ESRRG: variants seen among roughly 807,000 people sequenced by gnomAD.
The protein encoded by ESRRG is estrogen related receptor gamma.
A neutral mutation model predicts 44.0 loss-of-function variants in ESRRG; 13 were observed. The ratio of observed to expected loss-of-function variants is 0.30; its 90% CI spans 0.19 to 0.47. The LOEUF (loss-of-function observed/expected upper bound fraction) is 0.47, where lower values mean the gene tolerates loss of function less well. Among genes scored for constraint, ESRRG ranks in the 20% least tolerant of loss-of-function variants. The pLI, the probability that ESRRG is intolerant of heterozygous loss-of-function variation, is 1.00. For missense variants in ESRRG, 395 were observed against 580.6 expected (o/e 0.68, Z 3.29); for synonymous variants, 215 against 214.6 (o/e 1.00, Z -0.02).
chr1:216,698,816 C>A (rs1362654745), intron 1 of ESRRG, among the ~76,000 whole-genome samples: 2 of 152,126 alleles, frequency 1.3e-5, no homozygotes, highest in African/African-American at 2.4e-5. Context: ...TCTAAGGAAC[C>A]AAAGCGTCTG....
intron 1 of ESRRG, among the ~76,000 whole-genome samples, chr1:217,125,362 A>T (rs781038394): frequency 5.9e-5 from 9 of 152,204 alleles, no homozygotes; most frequent in African/African-American, 9.7e-5. Context: ...TTTGCAGTAC[A>T]TAATAGTACA....
At chr1:216,922,463 G>A (rs1314919880) in intron 2 of ESRRG, among the ~76,000 whole-genome samples, 1 of 152,098 alleles carries the variant, frequency 6.6e-6, no homozygotes. Context: ...TGTCCATGGG[G>A]GCAAGTCATT....
chr1:216,816,797 C>T (rs2095151905), intron 2 of ESRRG, among the ~76,000 whole-genome samples: 2 of 152,108 alleles, frequency 1.3e-5, no homozygotes, highest in Admixed American at 6.5e-5. Flanking sequence ...AAAAAGAAGG[C>T]TTTCAAAGAA....
intron 1 of ESRRG, among the ~76,000 whole-genome samples, chr1:217,104,013 G>C (rs892182215): frequency 6.6e-6 from 1 of 152,180 alleles, no homozygotes; most frequent in Non-Finnish European, 1.5e-5. Context: ...AAGAAGCACT[G>C]TTTGCTCTGA....
At chr1:216,856,853 A>G (rs187944747) in intron 2 of ESRRG, among the ~76,000 whole-genome samples, 7 of 152,224 alleles carry the variant, frequency 4.6e-5, no homozygotes, top group Non-Finnish European at 1.0e-4. Context: ...AAGCCAACTC[A>G]TACATTAATC....
At chr1:217,042,473 A>ACACACAC (rs2084037994) in intron 1 of ESRRG, among the ~76,000 whole-genome samples, 9 of 139,074 alleles carry the variant, frequency 6.5e-5, no homozygotes, top group African/African-American at 1.9e-4. Flanking sequence ...TACACACACA[A>ACACACAC]ACACACACAC....
intron 1 of ESRRG, among the ~76,000 whole-genome samples, chr1:216,988,079 A>T (rs11572450): frequency 6.6e-6 from 1 of 152,068 alleles, no homozygotes; most frequent in Non-Finnish European, 1.5e-5. Flanking sequence ...ATGCCCCTGA[A>T]TCTTTGTCTT....
At chr1:216,793,392 G>C (rs1412607121) in intron 2 of ESRRG, among the ~76,000 whole-genome samples, 2 of 152,178 alleles carry the variant, frequency 1.3e-5, no homozygotes, top group African/African-American at 4.8e-5. Context: ...TGCAACTTCT[G>C]TTTTGGCCTT....
At chr1:216,905,908 G>A (rs984420521) in intron 2 of ESRRG, among the ~76,000 whole-genome samples, 1 of 152,080 alleles carries the variant, frequency 6.6e-6, no homozygotes, top group African/African-American at 2.4e-5. Context: ...ATGCCACTAC[G>A]CCCTGCTAAT....
At chr1:216,622,612 ACACACG>A (rs1469924419) in intron 3 of ESRRG, among the ~76,000 whole-genome samples, 1 of 151,910 alleles carries the variant, frequency 6.6e-6, no homozygotes, top group African/African-American at 2.4e-5. Context: ...TGAAAATTAC[ACACACG>A]CACACACACA....
At chr1:217,122,106 A>C (rs889102097) in intron 1 of ESRRG, among the ~76,000 whole-genome samples, 4 of 152,160 alleles carry the variant, frequency 2.6e-5, no homozygotes, top group Non-Finnish European at 4.4e-5. Context: ...CTCTTTTTGG[A>C]CCACTTATTC....
chr1:216,540,226 A>G (rs1287808493), intron 5 of ESRRG, among the ~76,000 whole-genome samples: 2 of 152,028 alleles, frequency 1.3e-5, no homozygotes, highest in Non-Finnish European at 2.9e-5. Context: ...AGAAAAGCCA[A>G]TAGACTCAGA....
chr1:217,069,836 A>T (rs1213433556), intron 1 of ESRRG, among the ~76,000 whole-genome samples: 1 of 152,222 alleles, frequency 6.6e-6, no homozygotes, highest in Non-Finnish European at 1.5e-5. Context: ...GATTCCCTCC[A>T]GGCCCCAGCC....
At chr1:216,520,174 T>G (rs2045657278) in intron 5 of ESRRG, among the ~76,000 whole-genome samples, 1 of 152,052 alleles carries the variant, frequency 6.6e-6, no homozygotes, top group Non-Finnish European at 1.5e-5. Flanking sequence ...TGCAAAGGAG[T>G]CAGATTCTGA....
At chr1:216,679,636 T>TTC (rs2076697243) in intron 1 of ESRRG, among the ~76,000 whole-genome samples, 1 of 150,786 alleles carries the variant, frequency 6.6e-6, no homozygotes, top group Non-Finnish European at 1.5e-5. Flanking sequence ...TTTTTTTCTT[T>TTC]TTTTTTTTTT....
chr1:216,880,377 G>A (rs184787935), intron 2 of ESRRG, among the ~76,000 whole-genome samples: 1 of 147,598 alleles, frequency 6.8e-6, no homozygotes, highest in African/African-American at 2.5e-5. Flanking sequence ...TCATTTAGGG[G>A]ATTGATAACA....
At chr1:216,879,259 T>C (rs555783222) in intron 2 of ESRRG, among the ~76,000 whole-genome samples, 5 of 151,870 alleles carry the variant, frequency 3.3e-5, no homozygotes, top group African/African-American at 1.2e-4. Flanking sequence ...TGGTAAATGG[T>C]TATGGAGCAC....
At chr1:216,568,157 A>G (rs1011016374) in intron 3 of ESRRG, 59 bp from the exon 4 acceptor site, 2 of 1,157,046 alleles carry the variant, frequency 1.7e-6, no homozygotes, top group Admixed American at 3.4e-5. Flanking sequence ...AGACCAATCA[A>G]ATACCTAGAT....
chr1:216,780,838 T>C (rs2093907004), intron 2 of ESRRG, among the ~76,000 whole-genome samples: 1 of 152,036 alleles, frequency 6.6e-6, no homozygotes, highest in Non-Finnish European at 1.5e-5. Context: ...TCTCTGATTG[T>C]AGCCCTAGCA....
Sources: allele counts gnomAD v4.1 joint callset (sites outside exome capture counted in the v4.1 genomes callset), GRCh38; gene constraint gnomAD v4.1.1; transcripts MANE v1.5; gene names NCBI Gene and HGNC (gene_info 2026-07-23, HGNC 2026-07-21).